Variants in MEGF8 observed in about 807,000 individuals in gnomAD.
MEGF8 encodes multiple EGF like domains 8.
A neutral mutation model predicts 302.9 loss-of-function variants in MEGF8; 156 were observed. The observed-to-expected ratio is 0.52, with a 90% CI of 0.45 to 0.59. The LOEUF (loss-of-function observed/expected upper bound fraction) is 0.59. Ranked by LOEUF, MEGF8 falls within the 20% of genes least tolerant of loss-of-function variation. MEGF8 has a pLI of 0.00. For missense variants in MEGF8, 3,345 were observed against 3,964.5 expected (o/e 0.84, Z 4.20); for synonymous variants, 1,621 against 1,660.5 (o/e 0.98, Z 0.58).
chr19:42,378,121 A>G lies in MEGF8; in HGVS notation c.*1346A>G, dbSNP rs886581841. The G allele has an allele frequency of 5.3e-5, 8 of 152,186 alleles. No homozygotes were observed. Among genetic ancestry groups the G allele is most frequent in the African/African-American group, 1.7e-4 (7 of 41,424 alleles). The allele number at this position is 152,186 out of a possible 1,614,324, so 9.4% of individuals were successfully genotyped here. A position where few individuals can be genotyped will look rare whatever the true frequency, so the allele number is the denominator to read the frequency against. Reference sequence around the variant, plus strand: ...TCAGACATCTCTTCACTCAGGTCCAACTAGGGATACAGAAACACTGAATAT... The same window carrying G: ...TCAGACATCTCTTCACTCAGGTCCAGCTAGGGATACAGAAACACTGAATAT... On this transcript the variant is annotated 3_prime_UTR_variant, in exon 42 of 42. Transcript: ENST00000251268.
Position 42,356,542 on chromosome 19 carries a change from C to T in MEGF8, c.4622+89C>T. The T allele has an allele frequency of 8.7e-7, 1 of 1,144,608 alleles. No individual in the cohort carries two copies. The highest frequency in any genetic ancestry group is 1.6e-5 in the South Asian group (1 of 61,668). The allele number at this position is 1,144,608 out of a possible 1,614,324, so 70.9% of individuals were successfully genotyped here. On this transcript the variant is annotated intron_variant, in intron 26 of 41. Coordinates refer to ENST00000251268, the MANE Select transcript of MEGF8 (RefSeq NM_001271938.2). This position sits in a 1 kb window ranked among gnomAD's most constrained non-coding sequence, Gnocchi z 5.2. Reference sequence around the variant, plus strand: ...GTCACCTCAGAGGAGTGCAGAAAAGCCTCTAAGGTAAAGGACAGCCCAAAG... The same window carrying T: ...GTCACCTCAGAGGAGTGCAGAAAAGTCTCTAAGGTAAAGGACAGCCCAAAG...
intron 12 of MEGF8, among the ~76,000 whole-genome samples, chr19:42,347,303 A>G (rs1241269308): frequency 1.3e-5 from 2 of 151,568 alleles, no homozygotes; most frequent in African/African-American, 4.8e-5. Context: ...GAACTTAAGA[A>G]ACACTCTCAT....
chr19:42,371,421 C>G lies in MEGF8; in HGVS notation c.7208C>G (p.Thr2403Arg). 6.2e-7 allele frequency: 1 copy of G among 1,613,960 alleles called. No homozygotes were observed. The highest frequency in any genetic ancestry group is 8.5e-7 in the Non-Finnish European group (1 of 1,179,894). The change falls in exon 41 of 42, where the codon ACA becomes AGA. Residue 2403 changes from threonine to arginine, a missense_variant. Thr to Arg is a moderately conservative substitution (Grantham distance 71, BLOSUM62 -1). Coordinates refer to ENST00000251268, the MANE Select transcript of MEGF8 (RefSeq NM_001271938.2). ...DGTGCPCQNN[T>R]ETGTCQGSSP... Reference sequence around the variant, plus strand: ...ACGGGCTGTCCATGTCAGAATAACACAGAGACGGGCACATGCCAGGGCAGC... The same window carrying G: ...ACGGGCTGTCCATGTCAGAATAACAGAGAGACGGGCACATGCCAGGGCAGC...
chr19:42,362,666 G>A (rs1304355265), intron 34 of MEGF8, 69 bp downstream of exon 34: 179 of 1,562,706 alleles, frequency 1.1e-4, no homozygotes, highest in Non-Finnish European at 1.5e-4. Flanking sequence ...AGGGAGGAGG[G>A]GCTGGGGGCC....
At position 42,360,767 on chromosome 19, in the gene MEGF8, T is replaced by C. The variant is rs763565607; in HGVS notation, c.5489-8T>C. On this transcript the variant is annotated splice_polypyrimidine_tract_variant and splice_region_variant and intron_variant, in intron 31 of 41. Coordinates refer to ENST00000251268, the MANE Select transcript of MEGF8 (RefSeq NM_001271938.2). ...CTCTATCTGTCTGAATACACCATCT[T>C]TCCTCAGGCTCGGCCTCTGTGGGGC... 1 of 1,567,136 alleles carries C rather than the reference T, an allele frequency of 6.4e-7. No homozygotes were observed. Among genetic ancestry groups the C allele is most frequent in the Non-Finnish European group, 8.6e-7 (1 of 1,156,204 alleles).
Position 42,358,994 on chromosome 19 carries a change from G to A in MEGF8, c.5343+40G>A, listed in dbSNP as rs375016344. On this transcript the variant is annotated intron_variant, in intron 30 of 41. Transcript: ENST00000251268. This position sits in a 1 kb window ranked among gnomAD's most constrained non-coding sequence, Gnocchi z 4.4. ...GGGTTAGGATTGGGTGGGCTGGTAG[G>A]GGGGGATAGGTAGGGAAGTACAGGG... The A allele has an allele frequency of 2.0e-5, 32 of 1,590,310 alleles. No homozygotes were observed. Among genetic ancestry groups the A allele is most frequent in the South Asian group, 1.9e-4 (17 of 87,716 alleles).
Position 42,354,692 on chromosome 19 carries a change from C to T in MEGF8, c.4116C>T (p.Asp1372=). 1 of 1,609,080 alleles carries T rather than the reference C, an allele frequency of 6.2e-7. No individual in the cohort carries two copies. Among genetic ancestry groups the T allele is most frequent in the Non-Finnish European group, 8.5e-7 (1 of 1,179,712 alleles). The change falls in exon 23 of 42, where the codon GAC becomes GAT. Residue 1372 remains aspartate (D), a synonymous_variant. Transcript: ENST00000251268. The surrounding 1 kb of genome is among the most constrained non-coding windows in gnomAD (Gnocchi z 4.3). Reference sequence around the variant, plus strand: ...CTGCCTTCTGCGGCCAGCGACGGGACAGGCCCCTCACTGTTCAGGCCCTGT... The same window carrying T: ...CTGCCTTCTGCGGCCAGCGACGGGATAGGCCCCTCACTGTTCAGGCCCTGT... ...LIAAFCGQRR[D]RPLTVQALSG...
intron 1 of MEGF8, among the ~76,000 whole-genome samples, chr19:42,331,425 T>A (rs1251595518): frequency 6.6e-6 from 1 of 152,086 alleles, no homozygotes; most frequent in African/African-American, 2.4e-5. Flanking sequence ...CCCAGAGGAC[T>A]CCCCTGAGCT....
Position 42,336,013 on chromosome 19 carries a change from C to G in MEGF8, c.911C>G (p.Thr304Ser). ...GGTGAGCTGGCTGACGGCTCGCTCA[C>G]CAACGACGTGTGGGCCTTCAGTCCA... ...MGGELADGSL[T>S]NDVWAFSPLG... is the part of the protein sequence containing the mutation. Residue 304 changes from threonine (T) to serine (S), a missense_variant, in exon 6 of 42, where the codon ACC becomes AGC. Transcript: ENST00000251268. The surrounding 1 kb of genome is among the most constrained non-coding windows in gnomAD (Gnocchi z 4.8). The G allele has an allele frequency of 1.3e-6, 2 of 1,552,124 alleles. No homozygotes were observed. Among genetic ancestry groups the G allele is most frequent in the Non-Finnish European group, 1.7e-6 (2 of 1,151,830 alleles).
rs754334916 is a variant in MEGF8, at chr19:42,351,537, G to A, written c.2964G>A (p.Gly988=). 1.2e-6 allele frequency: 2 copies of A among 1,609,476 alleles called. No homozygotes were observed. The highest frequency in any genetic ancestry group is 1.1e-5 in the South Asian group (1 of 90,048). The change falls in exon 17 of 42, where the codon GGG becomes GGA. Residue 988 remains glycine, a synonymous_variant. Coordinates refer to ENST00000251268, the MANE Select transcript of MEGF8 (RefSeq NM_001271938.2). This position sits in a 1 kb window ranked among gnomAD's most constrained non-coding sequence, Gnocchi z 5.6. Reference sequence around the variant, plus strand: ...CCTACTTGGCCCGGTACCCACACGGGGGCTGTCGAGGCTGGGACGACAGGT... The same window carrying A: ...CCTACTTGGCCCGGTACCCACACGGAGGCTGTCGAGGCTGGGACGACAGGT... ...FAAYLARYPH[G]GCRGWDDSVH...
At position 42,339,305 on chromosome 19, in the gene MEGF8, T is replaced by C. The variant is rs142999835; in HGVS notation, c.1513+2099T>C. ...AATGGTAATTCTGTTTTAAGTTATT[T>C]GAGAAATCTTCAAACTGCTTTCCAC... On this transcript the variant is annotated intron_variant, in intron 8 of 41. Coordinates refer to ENST00000251268, the MANE Select transcript of MEGF8 (RefSeq NM_001271938.2). 8.7e-3 allele frequency among the ~76,000 whole-genome samples: 1,328 copies of C among 152,358 alleles called. 12 individuals are homozygous for C. The highest frequency in any genetic ancestry group is 0.018 in the South Asian group (85 of 4,830).
At chr19:42,335,534 TC>T in intron 5 of MEGF8, 149 bp downstream of exon 5, 1 of 695,410 alleles carries the variant, frequency 1.4e-6, no homozygotes, top group Non-Finnish European at 2.4e-6. Flanking sequence ...GCCTTTTCTC[TC>T]CGGTTTTCTT....
chr19:42,354,130 T>G lies in MEGF8; in HGVS notation c.4011+106T>G. On this transcript the variant is annotated intron_variant, in intron 22 of 41. Coordinates refer to ENST00000251268, the MANE Select transcript of MEGF8 (RefSeq NM_001271938.2). The surrounding 1 kb of genome is among the most constrained non-coding windows in gnomAD (Gnocchi z 4.3). The stretch of plus-strand genomic sequence containing the variant: ...CCCTAGTATTGCTGTTTTTTTTTTT[T>G]TGTTTTTTTAATCCTTCAAAACCCA... The G allele has an allele frequency of 2.2e-6, 3 of 1,388,970 alleles. No individual in the cohort carries two copies. The highest frequency in any genetic ancestry group is 2.8e-6 in the Non-Finnish European group (3 of 1,055,744). The allele number at this position is 1,388,970 out of a possible 1,614,324, so 86.0% of individuals were successfully genotyped here.
chr19:42,350,254 G>T lies in MEGF8; in HGVS notation c.2606G>T (p.Ser869Ile). The T allele has an allele frequency of 6.2e-7, 1 of 1,612,396 alleles. No homozygotes were observed. Among genetic ancestry groups the T allele is most frequent in the Non-Finnish European group, 8.5e-7 (1 of 1,179,858 alleles). The change falls in exon 15 of 42, where the codon AGT (serine) becomes ATT (isoleucine). Residue 869 changes from serine to isoleucine, a missense_variant. Transcript: ENST00000251268. ...ADQGCGWCLTSATCHLRQGGA... is the reference protein window; with the variant it reads ...ADQGCGWCLTIATCHLRQGGA... ...CAGGGCTGTGGCTGGTGCCTGACCA[G>T]TGCCACCTGCCACCTGCGCCAGGGC...
chr19:42,337,598 C>T (rs906635572), intron 8 of MEGF8, among the ~76,000 whole-genome samples: 3 of 151,520 alleles, frequency 2.0e-5, no homozygotes, highest in Admixed American at 6.6e-5. Context: ...CTCCACCCCC[C>T]GGGTTTCACG....
Position 42,333,935 on chromosome 19 carries a change from C to T in MEGF8, c.352-72C>T, listed in dbSNP as rs1014649761. On this transcript the variant is annotated intron_variant, in intron 2 of 41. Coordinates refer to ENST00000251268, the MANE Select transcript of MEGF8 (RefSeq NM_001271938.2). ...CTGGGTCCCCCAGGGTGGAAGGGGG[C>T]AGGAGTGGGCCACCCTCCCAGGACA... 5 of 1,531,666 alleles carry T rather than the reference C, an allele frequency of 3.3e-6. No homozygotes were observed. The African/African-American group carries it at 5.4e-5, about 17-fold the overall frequency. The allele number at this position is 1,531,666 out of a possible 1,614,324, so 94.9% of individuals were successfully genotyped here.
chr19:42,364,240 T>G (rs957475705), intron 35 of MEGF8, among the ~76,000 whole-genome samples: 1 of 152,258 alleles, frequency 6.6e-6, no homozygotes, highest in Middle Eastern at 3.4e-3. Context: ...CCAAAGACGC[T>G]TCCACCTGAC....
At position 42,378,282 on chromosome 19, in the gene MEGF8, T is replaced by G. The variant is rs756551783; in HGVS notation, c.*1507T>G. 2.6e-5 allele frequency: 4 copies of G among 152,452 alleles called. No homozygotes were observed. The highest frequency in any genetic ancestry group is 4.4e-5 in the Non-Finnish European group (3 of 68,056). The allele number at this position is 152,452 out of a possible 1,614,324, so 9.4% of individuals were successfully genotyped here. On this transcript the variant is annotated 3_prime_UTR_variant, in exon 42 of 42. Coordinates refer to ENST00000251268, the MANE Select transcript of MEGF8 (RefSeq NM_001271938.2). ...GCAGGGATAAAGCTCAGTGGTGGTG[T>G]TACCTCACCGGGGACCAGGGTCACA...
At chr19:42,360,713 G>C in intron 31 of MEGF8, 62 bp from the exon 32 acceptor site, 1 of 1,544,596 alleles carries the variant, frequency 6.5e-7, no homozygotes, top group Non-Finnish European at 8.7e-7. Context: ...TGGCATCATG[G>C]TGTGGGTCTC....
Sources: allele counts gnomAD v4.1 joint callset (sites outside exome capture counted in the v4.1 genomes callset), GRCh38; gene constraint gnomAD v4.1.1; non-coding constraint Gnocchi (gnomAD v3.1); transcripts MANE v1.5; gene names NCBI Gene and HGNC (gene_info 2026-07-23, HGNC 2026-07-21).